The following AUTS2 variants were observed in gnomAD, a reference collection of about 807,000 sequenced individuals.
The protein encoded by AUTS2 is autism susceptibility gene 2 protein.
AUTS2 carries 17 observed loss-of-function variants against 112.4 expected under a neutral mutation model. The observed-to-expected ratio is 0.15, with a 90% confidence interval of 0.10 to 0.23. The LOEUF (loss-of-function observed/expected upper bound fraction) is 0.23. Among genes scored for constraint, AUTS2 ranks in the 10% least tolerant of loss-of-function variants. AUTS2 has a pLI of 1.00. For synonymous variants in AUTS2, 751 were observed against 702.7 expected, an observed-to-expected ratio of 1.07 and a Z score of -1.09; for missense variants, 1,510 against 1,701.6, an observed-to-expected ratio of 0.89 and a Z score of 1.98.
At chr7:70,336,776 A>G (rs1053424775) in intron 4 of AUTS2, among the ~76,000 whole-genome samples, 5 of 152,068 alleles carry the variant, frequency 3.3e-5, no homozygotes, top group Non-Finnish European at 7.4e-5. Flanking sequence ...TGTAACTCTT[A>G]GTTGCATTAG....
intron 1 of AUTS2, among the ~76,000 whole-genome samples, chr7:69,823,635 G>T (rs561266406): frequency 6.6e-6 from 1 of 152,188 alleles, no homozygotes; most frequent in East Asian, 1.9e-4. Context: ...GTTGTGCCGG[G>T]CCTGCTAATC....
chr7:69,931,112 TACACACACACACAC>T (rs58190258), intron 2 of AUTS2, among the ~76,000 whole-genome samples: 7 of 148,998 alleles, frequency 4.7e-5, no homozygotes, highest in South Asian at 2.2e-4. Context: ...ATTTTGGATT[TACACACACACACAC>T]ACACACACAC....
chr7:70,536,652 G>A (rs2129502298), intron 5 of AUTS2, among the ~76,000 whole-genome samples: 2 of 132,844 alleles, frequency 1.5e-5, no homozygotes, highest in African/African-American at 5.8e-5. Flanking sequence ...TGTAATCCCA[G>A]GACTTTGGGA....
chr7:69,797,539 A>C (rs1213019356), intron 1 of AUTS2, among the ~76,000 whole-genome samples: 1 of 152,176 alleles, frequency 6.6e-6, no homozygotes, highest in African/African-American at 2.4e-5. Flanking sequence ...ATGAGAAGGG[A>C]AATTGACCTT....
chr7:69,715,227 T>TAAAAAAA (rs61555118), intron 1 of AUTS2, among the ~76,000 whole-genome samples: 1 of 129,422 alleles, frequency 7.7e-6, no homozygotes, highest in Admixed American at 7.9e-5. Context: ...CAGGCATAAG[T>TAAAAAAA]AAAAAAAAAA....
At chr7:70,116,191 T>G (rs970351876) in intron 2 of AUTS2, among the ~76,000 whole-genome samples, 2 of 152,130 alleles carry the variant, frequency 1.3e-5, no homozygotes, top group African/African-American at 4.8e-5. Flanking sequence ...ACTTAAGAGC[T>G]CAGGAAGGAT....
chr7:69,607,040 C>G (rs1055678380), intron 1 of AUTS2, among the ~76,000 whole-genome samples: 1 of 152,164 alleles, frequency 6.6e-6, no homozygotes, highest in Admixed American at 6.5e-5. Flanking sequence ...TGTGAGGTCA[C>G]AAAGAATAGG....
chr7:70,732,551 G>T (rs1172581730), intron 6 of AUTS2, among the ~76,000 whole-genome samples: 2 of 152,160 alleles, frequency 1.3e-5, no homozygotes, highest in Non-Finnish European at 2.9e-5. Context: ...AAACATTGCG[G>T]TGGTGGGGGT....
chr7:69,774,355 G>A (rs1788803942), intron 1 of AUTS2, among the ~76,000 whole-genome samples: 1 of 152,170 alleles, frequency 6.6e-6, no homozygotes, highest in Non-Finnish European at 1.5e-5. Flanking sequence ...AACCATGATT[G>A]TGCCACTGTA....
chr7:69,711,444 C>T (rs1798321547), intron 1 of AUTS2, among the ~76,000 whole-genome samples: 2 of 152,084 alleles, frequency 1.3e-5, no homozygotes, highest in African/African-American at 4.8e-5. Context: ...TAATGATATA[C>T]ATTATTTTCT....
At chr7:69,741,270 G>A (rs898488551) in intron 1 of AUTS2, among the ~76,000 whole-genome samples, 1 of 152,134 alleles carries the variant, frequency 6.6e-6, no homozygotes, top group Non-Finnish European at 1.5e-5. Flanking sequence ...TCCTGGATTC[G>A]AATCTGGGCA....
Position 70,278,580 on chromosome 7 carries a change from A to AACATACAT in AUTS2, c.660+144047_660+144054dup, listed in dbSNP as rs59363161. 6.6e-3 allele frequency among the ~76,000 whole-genome samples: 988 copies of AACATACAT among 149,754 alleles called. 5 individuals are homozygous for AACATACAT. The highest frequency in any genetic ancestry group is 0.01 in the South Asian group (47 of 4,614). ...TGACAGAGTAAGACAGTCTCTCAAA[A>AACATACAT]ACATACATACATACATACATACATA... On this transcript the variant is annotated intron_variant, in intron 4 of 18. Transcript: ENST00000342771.
chr7:70,633,974 G>A (rs558898074), intron 5 of AUTS2, among the ~76,000 whole-genome samples: 5 of 152,130 alleles, frequency 3.3e-5, no homozygotes, highest in Admixed American at 1.3e-4. Flanking sequence ...TTGATTCTGG[G>A]TACTAGATGT....
chr7:70,643,614 T>G (rs1337651077), intron 5 of AUTS2, among the ~76,000 whole-genome samples: 2 of 152,324 alleles, frequency 1.3e-5, no homozygotes, highest in East Asian at 1.9e-4. Flanking sequence ...TAAGTTATCT[T>G]TCCTCAACCT....
Position 70,763,272 on chromosome 7 carries a change from C to T in AUTS2, c.1145C>T (p.Pro382Leu). ...AACCTCCCACCTGTGCAGGCCCACC[C>T]CTCTGCTCAGAGCCTCTCCCAGCCA... Reference protein sequence around the residue: ...HQNLPPVQAHPSAQSLSQPLS... With the variant: ...HQNLPPVQAHLSAQSLSQPLS... The change falls in exon 7 of 19, where the codon CCC becomes CTC. Residue 382 changes from proline to leucine, a missense_variant. This residue lies in a region of AUTS2 where 535 missense variants were observed against 594.3 expected (regional missense o/e 0.90). Transcript: ENST00000342771. 6.2e-7 allele frequency: 1 copy of T among 1,612,264 alleles called. No homozygotes were observed. The highest frequency in any genetic ancestry group is 1.1e-5 in the South Asian group (1 of 90,780).
Position 70,761,615 on chromosome 7 carries a change from C to T in AUTS2, c.743-1255C>T, listed in dbSNP as rs567983100. 3.9e-5 allele frequency among the ~76,000 whole-genome samples: 6 copies of T among 152,184 alleles called. No homozygotes were observed. In the South Asian group the frequency reaches 1.2e-3, roughly 32 times the overall value. ...TGGGGCCATTCTTTTCTATTGAGTG[C>T]CCTACTGGTCTTTCGTTATTCTGTT... On this transcript the variant is annotated intron_variant, in intron 6 of 18. Transcript: ENST00000342771.
At chr7:70,540,108 T>A (rs2129504582) in intron 5 of AUTS2, among the ~76,000 whole-genome samples, 1 of 152,324 alleles carries the variant, frequency 6.6e-6, no homozygotes, top group Non-Finnish European at 1.5e-5. Flanking sequence ...CTTGGCACCC[T>A]GCCTTCCACT....
chr7:70,205,023 A>G (rs1810498026), intron 4 of AUTS2, among the ~76,000 whole-genome samples: 1 of 152,038 alleles, frequency 6.6e-6, no homozygotes, highest in South Asian at 2.1e-4. Flanking sequence ...GATACTAAGA[A>G]GTATCTGCAT....
At chr7:69,864,768 G>A (rs1793143463) in intron 1 of AUTS2, among the ~76,000 whole-genome samples, 1 of 152,194 alleles carries the variant, frequency 6.6e-6, no homozygotes, top group Non-Finnish European at 1.5e-5. Flanking sequence ...AATGCTGTTG[G>A]GTTGGCACTG....
Sources: gnomAD v4.1 joint callset for allele counts (sites outside exome capture counted in the v4.1 genomes callset) on GRCh38, gnomAD v4.1.1 for gene constraint, gnomAD v4.1.1 regional missense constraint, MANE v1.5 for transcripts, NCBI Gene and HGNC (gene_info 2026-07-23, HGNC 2026-07-21) for gene names.